TRPM6: variants seen among roughly 807,000 people sequenced by gnomAD.
TRPM6 encodes transient receptor potential cation channel subfamily M member 6, also known as channel kinase 2.
Under a neutral mutation model 247.6 loss-of-function variants are expected in TRPM6, and 111 were observed. The ratio of observed to expected loss-of-function variants is 0.45; its 90% CI spans 0.38 to 0.52. TRPM6 has a LOEUF of 0.52. TRPM6 is among the 20% of genes least tolerant of loss of function. The pLI, the probability that TRPM6 is intolerant of heterozygous loss-of-function variation, is 0.00. For missense variants in TRPM6, 2,126 were observed against 2,421.5 expected, an observed-to-expected ratio of 0.88 and a Z score of 2.56; for synonymous variants, 892 against 853.8, an observed-to-expected ratio of 1.04 and a Z score of -0.78.
rs1489369335 is a variant in TRPM6 at position 74,742,602 on chromosome 9, C to G, written c.5159G>C (p.Arg1720Thr). 1 of 1,613,722 alleles carries G rather than the reference C, an allele frequency of 6.2e-7. No individual in the cohort carries two copies. The highest frequency in any genetic ancestry group is 2.2e-5 in the East Asian group (1 of 44,844). The change falls in exon 33 of 39, where the codon AGG (arginine) becomes ACG (threonine). Residue 1720 changes from arginine to threonine, a missense_variant. Coordinates refer to ENST00000360774, the MANE Select transcript of TRPM6 (RefSeq NM_017662.5). ...YSAIERNNLM[R>T]LSQTIPFTPV... ...TGTAAATGGTATGGTCTGAGAAAGCCTCATTAAATTATTCCTTTCAATGGC... is the reference window on the plus strand; with the variant it reads ...TGTAAATGGTATGGTCTGAGAAAGCGTCATTAAATTATTCCTTTCAATGGC...
At chr9:74,812,274 G>T in intron 12 of TRPM6, 25 bp downstream of exon 12, 1 of 1,612,878 alleles carries the variant, frequency 6.2e-7, no homozygotes, top group Non-Finnish European at 8.5e-7. Flanking sequence ...GGAGGGAAAT[G>T]ATTGATGAAA....
chr9:74,786,158 A>T (rs749952016), intron 20 of TRPM6, 33 bp from the exon 21 acceptor site: 2 of 1,612,644 alleles, frequency 1.2e-6, no homozygotes, highest in Admixed American at 3.3e-5. Flanking sequence ...TTTAAAAAGG[A>T]GGTACAACCA....
intron 27 of TRPM6, among the ~76,000 whole-genome samples, chr9:74,761,283 C>T (rs1826618506): frequency 1.3e-5 from 2 of 152,196 alleles, no homozygotes. Context: ...GAAATTAAAA[C>T]ATATGTCCAC....
chr9:74,859,565 G>C (rs182232324), intron 1 of TRPM6, among the ~76,000 whole-genome samples: 50 of 152,288 alleles, frequency 3.3e-4, no homozygotes, highest in African/African-American at 1.1e-3. Flanking sequence ...TTGAAGTCAG[G>C]AGTTCGAGAC....
At chr9:74,793,416 C>T (rs973577696) in intron 18 of TRPM6, among the ~76,000 whole-genome samples, 2 of 151,936 alleles carry the variant, frequency 1.3e-5, no homozygotes, top group African/African-American at 2.4e-5. Context: ...GGCGTGGTCT[C>T]GGCTCCCTGC....
At position 74,812,346 on chromosome 9, in the gene TRPM6, G is replaced by A; in HGVS notation, c.1396C>T (p.Leu466Phe). ...VKLLIEYGVN[L>F]HRFLTIPRLE... ...CGAGGGATGGTAAGAAAGCGATGGA[G>A]GTTCACTCCATATTCTATTAAGAGC... Residue 466 changes from leucine (L) to phenylalanine (F), a missense_variant, in exon 12 of 39, where the codon CTC (leucine) becomes TTC (phenylalanine). Transcript: ENST00000360774. The A allele has an allele frequency of 2.5e-6, 4 of 1,613,854 alleles. No individual in the cohort carries two copies. The highest frequency in any genetic ancestry group is 1.7e-6 in the Non-Finnish European group (2 of 1,179,868).
Position 74,816,619 on chromosome 9 carries a change from C to T in TRPM6, c.1308+50G>A, listed in dbSNP as rs527338056. 2.1e-5 allele frequency: 31 copies of T among 1,484,242 alleles called. 1 individual carries two copies. In the South Asian group the frequency reaches 3.5e-4, roughly 17 times the overall value. The allele number at this position is 1,484,242 out of a possible 1,614,324, so 91.9% of individuals were successfully genotyped here. A position where few individuals can be genotyped will look rare whatever the true frequency, so the allele number is the denominator to read the frequency against. On this transcript the variant is annotated intron_variant, in intron 11 of 38. Coordinates refer to ENST00000360774, the MANE Select transcript of TRPM6 (RefSeq NM_017662.5). The stretch of plus-strand genomic sequence containing the variant: ...CATTTTCTCTTTTGCCCCTTCCTAA[C>T]AGACCATCACACAAAATATTTTTTC...
chr9:74,797,381 T>C (rs1293255580), intron 17 of TRPM6, among the ~76,000 whole-genome samples: 6 of 152,166 alleles, frequency 3.9e-5, no homozygotes, highest in African/African-American at 7.2e-5. Flanking sequence ...GCTGCTCAAG[T>C]CCCTGACATC....
intron 6 of TRPM6, among the ~76,000 whole-genome samples, chr9:74,831,196 T>C (rs1300629569): frequency 6.6e-6 from 1 of 152,086 alleles, no homozygotes; most frequent in Non-Finnish European, 1.5e-5. Flanking sequence ...GCTCTGCTAA[T>C]ACTATGTCTC....
chr9:74,808,525 T>A (rs1414496589), intron 13 of TRPM6, among the ~76,000 whole-genome samples: 1 of 152,090 alleles, frequency 6.6e-6, no homozygotes, highest in Non-Finnish European at 1.5e-5. Context: ...CATATTGAGT[T>A]CCTAATTGGA....
chr9:74,866,929 C>A (rs1830862930), intron 1 of TRPM6, among the ~76,000 whole-genome samples: 1 of 152,188 alleles, frequency 6.6e-6, no homozygotes, highest in Admixed American at 6.5e-5. Context: ...GAAATTAAAA[C>A]TGAGACATTT....
intron 27 of TRPM6, 118 bp downstream of exon 27, chr9:74,761,578 C>A: frequency 1.4e-6 from 1 of 738,588 alleles, no homozygotes; most frequent in South Asian, 1.4e-5. Context: ...TATCTTCAAT[C>A]CTTTCAACAC....
At chr9:74,887,530 G>A in intron 1 of TRPM6, 2 of 1,133,500 alleles carry the variant, frequency 1.8e-6, no homozygotes, top group South Asian at 2.7e-5. Flanking sequence ...CTGAACCCCC[G>A]ACCCCCGCTA....
At position 74,762,270 on chromosome 9, in the gene TRPM6, G is replaced by A. The variant is rs1826671498; in HGVS notation, c.4401C>T (p.Ser1467=). 6.2e-7 allele frequency: 1 copy of A among 1,614,076 alleles called. No individual in the cohort carries two copies. ...FSEGDETGVF[S]IKKKWQTCLP... The stretch of plus-strand genomic sequence containing the variant: ...AGCAGGTTTGCCACTTTTTCTTGAT[G>A]CTAAACACACCAGTTTCATCACCTT... Residue 1467 remains serine, a synonymous_variant, in exon 26 of 39, where the codon AGC becomes AGT. Coordinates refer to ENST00000360774, the MANE Select transcript of TRPM6 (RefSeq NM_017662.5).
In TRPM6 at chr9:74,739,714, C is replaced by T. The variant is rs1587456564; in HGVS notation, c.5487+9G>A. The T allele has an allele frequency of 1.9e-6, 3 of 1,610,414 alleles. No homozygotes were observed. Among genetic ancestry groups the T allele is most frequent in the African/African-American group, 2.7e-5 (2 of 74,900 alleles). The stretch of plus-strand genomic sequence containing the variant: ...CTCTGGGCTATGGGTCTCTGAGTTT[C>T]AGACTTACCCTGAGGCAAAGATGAA... On this transcript the variant is annotated intron_variant, in intron 34 of 38. Transcript: ENST00000360774.
intron 25 of TRPM6, among the ~76,000 whole-genome samples, chr9:74,771,418 T>TGC (rs1827032865): frequency 6.6e-6 from 1 of 151,486 alleles, no homozygotes; most frequent in Non-Finnish European, 1.5e-5. Context: ...CCTACACACA[T>TGC]GCGCACACAC....
At chr9:74,803,036 T>C (rs1047226410) in intron 15 of TRPM6, among the ~76,000 whole-genome samples, 1 of 152,204 alleles carries the variant, frequency 6.6e-6, no homozygotes, top group African/African-American at 2.4e-5. Flanking sequence ...ATTCAATAAT[T>C]ACTCCTTTTA....
chr9:74,785,608 C>T (rs569630758), intron 21 of TRPM6, among the ~76,000 whole-genome samples: 12 of 152,204 alleles, frequency 7.9e-5, no homozygotes, highest in Admixed American at 3.9e-4. Context: ...CTGCAAGCTC[C>T]GCCTCCCGGG....
At position 74,852,870 on chromosome 9, in the gene TRPM6, G is replaced by A. The variant is rs1277044975; in HGVS notation, c.152+2657C>T. On this transcript the variant is annotated intron_variant, in intron 3 of 38. Coordinates refer to ENST00000360774, the MANE Select transcript of TRPM6 (RefSeq NM_017662.5). ...CTCCACCTCCCAGCCACCTGCTTTG[G>A]CCTCCCAAAGTGCCGAGATTGCAGC... Among the ~76,000 whole-genome samples the A allele has an allele frequency of 4.6e-5, 7 of 152,304 alleles. 1 individual carries two copies. In the East Asian group the frequency reaches 1.4e-3, roughly 30 times the overall value.
Sources: gnomAD v4.1 joint callset for allele counts (sites outside exome capture counted in the v4.1 genomes callset) on GRCh38, gnomAD v4.1.1 for gene constraint, MANE v1.5 for transcripts, NCBI Gene and HGNC (gene_info 2026-07-23, HGNC 2026-07-21) for gene names.